The following SYNE3 variants were observed in gnomAD, a reference collection of about 807,000 sequenced individuals.
SYNE3 encodes nesprin-3.
In SYNE3, 100 loss-of-function variants were observed where a neutral mutation model predicts 111.2. The ratio of observed to expected loss-of-function variants is 0.90; its 90% CI spans 0.77 to 1.06. SYNE3 has a LOEUF of 1.06. Among genes scored for constraint, SYNE3 ranks in the 50% least tolerant of loss-of-function variants. The probability of loss-of-function intolerance (pLI) is 0.00; values close to 1 mark genes in which losing one functional copy is unlikely to be tolerated. For synonymous variants in SYNE3, 547 were observed against 533.9 expected (o/e 1.02, Z -0.34); for missense variants, 1,160 against 1,240.3 (o/e 0.94, Z 0.97).
Position 95,466,014 on chromosome 14 carries a change from T to C in SYNE3, c.544A>G (p.Asn182Asp), listed in dbSNP as rs764733835. The C allele has an allele frequency of 1.7e-5, 28 of 1,611,930 alleles. No individual in the cohort carries two copies. The highest frequency in any genetic ancestry group is 2.4e-5 in the Non-Finnish European group (28 of 1,178,204). ...TCCACGCTGGGGTCCCCGATCCTGTTGAACAGGGAGGCTGCCTCCTCCAGC... is the reference window on the plus strand; with the variant it reads ...TCCACGCTGGGGTCCCCGATCCTGTCGAACAGGGAGGCTGCCTCCTCCAGC... Reference protein sequence around the residue: ...RLLEEAASLFNRIGDPSVDED... With the variant: ...RLLEEAASLFDRIGDPSVDED... Residue 182 changes from asparagine (N) to aspartate (D), a missense_variant, in exon 4 of 18, where the codon AAC (asparagine) becomes GAC (aspartate). Coordinates refer to ENST00000682763, the MANE Select transcript of SYNE3 (RefSeq NM_152592.6).
intron 1 of SYNE3, among the ~76,000 whole-genome samples, chr14:95,494,413 G>A (rs1354001394): frequency 1.3e-5 from 2 of 152,198 alleles, no homozygotes; most frequent in Non-Finnish European, 2.9e-5. Context: ...AGGGCATAAC[G>A]AGTGGATGGA....
chr14:95,428,598 AC>A (rs1885566123), intron 17 of SYNE3, among the ~76,000 whole-genome samples: 1 of 152,106 alleles, frequency 6.6e-6, no homozygotes, highest in Non-Finnish European at 1.5e-5. Context: ...GGCTCACAGA[AC>A]CTTTGACCAA....
chr14:95,474,372 C>T (rs766780194), intron 2 of SYNE3, among the ~76,000 whole-genome samples: 6 of 152,176 alleles, frequency 3.9e-5, no homozygotes, highest in Non-Finnish European at 5.9e-5. Flanking sequence ...TGTTTGCATA[C>T]GTGTCTCCAT....
rs1392841693 is a variant in SYNE3, at chr14:95,411,880, C to T, written c.*5946G>A. On this transcript the variant is annotated 3_prime_UTR_variant, in exon 18 of 18. Coordinates refer to ENST00000682763, the MANE Select transcript of SYNE3 (RefSeq NM_152592.6). The stretch of plus-strand genomic sequence containing the variant: ...GCATGGACACGCCAACCCAGATGAT[C>T]CCCAGTGGGGAAAAGTGGGCTTCTC... 6.6e-6 allele frequency: 1 copy of T among 152,354 alleles called. No homozygotes were observed. The highest frequency in any genetic ancestry group is 1.5e-5 in the Non-Finnish European group (1 of 68,128). The allele number at this position is 152,354 out of a possible 1,614,324, so 9.4% of individuals were successfully genotyped here.
chr14:95,514,364 G>C (rs1471449318), intron 1 of SYNE3, among the ~76,000 whole-genome samples: 1 of 152,188 alleles, frequency 6.6e-6, no homozygotes, highest in Non-Finnish European at 1.5e-5. Context: ...CCAAGGGCCA[G>C]CTTTCAGTGC....
chr14:95,417,892 G>T lies in SYNE3; in HGVS notation c.2862C>A (p.Thr954=). Residue 954 remains threonine (T), a synonymous_variant, in exon 18 of 18, where the codon ACC becomes ACA. Transcript: ENST00000682763. ...AGGAGCGGGCGAAGTTGTTGGCCAG[G>T]GTGCAGCTGCGGTCCTCTTCCCTGA... ...LPIREEDRSC[T]LANNFARSFT... 6.2e-7 allele frequency: 1 copy of T among 1,614,226 alleles called. No homozygotes were observed.
chr14:95,410,995 A>G lies in SYNE3; in HGVS notation c.*6831T>C. ...TCAAGCTGTCATCCAGTGGGTGCAG[A>G]GACCGACCCCCACTCCTGGAACTAA... is the stretch of plus-strand genomic sequence containing the variant. On this transcript the variant is annotated 3_prime_UTR_variant, in exon 18 of 18. Transcript: ENST00000682763. 1 of 152,290 alleles carries G rather than the reference A, an allele frequency of 6.6e-6. No homozygotes were observed. Among genetic ancestry groups the G allele is most frequent in the Non-Finnish European group, 1.5e-5 (1 of 68,156 alleles). 9.4% of individuals were successfully genotyped at this position (152,290 alleles called of 1,614,324 possible). A position where few individuals can be genotyped will look rare whatever the true frequency, so the allele number is the denominator to read the frequency against.
At chr14:95,432,156 A>G (rs774500701) in intron 16 of SYNE3, 39 bp from the exon 17 acceptor site, 5 of 1,597,916 alleles carry the variant, frequency 3.1e-6, no homozygotes, top group East Asian at 2.2e-5. Context: ...GGGGGAAAAA[A>G]ATAAGTTAAG....
intron 4 of SYNE3, among the ~76,000 whole-genome samples, chr14:95,463,116 A>G (rs1887943611): frequency 6.6e-6 from 1 of 152,174 alleles, no homozygotes; most frequent in African/African-American, 2.4e-5. Flanking sequence ...AGATCATGCC[A>G]TTGTACTCCA....
At chr14:95,440,192 C>G (rs1595192530) in intron 11 of SYNE3, 117 bp from the exon 12 acceptor site, 1 of 1,158,366 alleles carries the variant, frequency 8.6e-7, no homozygotes, top group African/African-American at 1.5e-5. Flanking sequence ...GGCTCCCCAC[C>G]AAGTAGCACC....
chr14:95,492,469 A>G (rs533630200), intron 1 of SYNE3, among the ~76,000 whole-genome samples: 2 of 152,252 alleles, frequency 1.3e-5, no homozygotes, highest in Non-Finnish European at 2.9e-5. Context: ...CACAATATAG[A>G]GAAACCTTGG....
At chr14:95,508,323 A>T (rs1890601456) in intron 1 of SYNE3, among the ~76,000 whole-genome samples, 2 of 152,240 alleles carry the variant, frequency 1.3e-5, no homozygotes, top group Non-Finnish European at 2.9e-5. Context: ...TGAACCATGC[A>T]GGAATCTTAG....
intron 4 of SYNE3, among the ~76,000 whole-genome samples, chr14:95,458,454 G>A (rs1306049132): frequency 6.6e-6 from 1 of 152,198 alleles, no homozygotes; most frequent in Non-Finnish European, 1.5e-5. Flanking sequence ...CCCTAAAACA[G>A]AGCCTGGCAG....
rs1368560780 is a variant in SYNE3, at chr14:95,480,156, TG to T, written c.-14-4322del. Among the ~76,000 whole-genome samples the T allele has an allele frequency of 9.8e-5, 15 of 152,344 alleles. No individual in the cohort carries two copies. In the East Asian group the frequency reaches 2.7e-3, roughly 27 times the overall value. ...AAAAGAAGCAAAAAAAAGTATTTTC[TG>T]TTTCCAAGCCCTGTCTGGGGACATC... On this transcript the variant is annotated intron_variant, in intron 1 of 17. Transcript: ENST00000682763.
At chr14:95,424,262 C>T (rs1885315858) in intron 17 of SYNE3, among the ~76,000 whole-genome samples, 1 of 151,686 alleles carries the variant, frequency 6.6e-6, no homozygotes, top group Non-Finnish European at 1.5e-5. Flanking sequence ...AGTGCATAAA[C>T]CAGAGGCCTG....
In SYNE3 at chr14:95,427,207, T is replaced by A. The variant is rs114997762; in HGVS notation, c.2727+4872A>T. ...ACCAGAGGGCTCCCTGGTCTAGGGG[T>A]AACGCCAGTGTCTGGGAAGACGCCC... On this transcript the variant is annotated intron_variant, in intron 17 of 17. Transcript: ENST00000682763. 9.9e-3 allele frequency among the ~76,000 whole-genome samples: 1,512 copies of A among 152,152 alleles called. 28 individuals carry two copies. The highest frequency in any genetic ancestry group is 0.034 in the African/African-American group (1,404 of 41,524).
intron 4 of SYNE3, among the ~76,000 whole-genome samples, chr14:95,458,775 G>A (rs989126480): frequency 7.2e-5 from 11 of 152,324 alleles, no homozygotes; most frequent in African/African-American, 2.6e-4. Context: ...CCCTGTGAAC[G>A]CTTCCTGAAT....
intron 4 of SYNE3, among the ~76,000 whole-genome samples, chr14:95,464,052 C>A (rs775135562): frequency 1.4e-4 from 21 of 152,228 alleles, no homozygotes; most frequent in Non-Finnish European, 2.9e-4. Context: ...CCTTCCCAAG[C>A]GCCAGAGCCT....
rs1328648565 is a variant in SYNE3 at position 95,408,639 on chromosome 14, C to G, written c.*9187G>C. On this transcript the variant is annotated 3_prime_UTR_variant, in exon 18 of 18. Coordinates refer to ENST00000682763, the MANE Select transcript of SYNE3 (RefSeq NM_152592.6). ...TGGAAGCCAGGGCTGCCCAGTTGTG[C>G]TTCTGCATGGAGATGTGTGTAGTAC... The G allele has an allele frequency of 1.2e-5, 2 of 160,182 alleles. No individual in the cohort carries two copies. The highest frequency in any genetic ancestry group is 4.8e-5 in the African/African-American group (2 of 41,632). 9.9% of individuals were successfully genotyped at this position (160,182 alleles called of 1,614,324 possible).
Sources: allele counts gnomAD v4.1 joint callset (sites outside exome capture counted in the v4.1 genomes callset), GRCh38; gene constraint gnomAD v4.1.1; transcripts MANE v1.5; gene names NCBI Gene and HGNC (gene_info 2026-07-23, HGNC 2026-07-21).